B4GALNT2: variants seen among roughly 807,000 people sequenced by gnomAD.
B4GALNT2 encodes the protein beta-1,4-N-acetyl-galactosaminyltransferase 2 (SID blood group), also known as N-acetylneuraminylgalactosylglucosyl-glucoside beta-1,4-N- acetylgalactosaminyltransferase 2.
B4GALNT2 carries 42 observed loss-of-function variants against 51.1 expected under a neutral mutation model. That is an observed-to-expected ratio of 0.82 (90% confidence interval 0.64 to 1.06). The LOEUF is 1.06. Among genes scored for constraint, B4GALNT2 ranks in the 50% least tolerant of loss-of-function variants. B4GALNT2 has a pLI of 0.00. For synonymous variants in B4GALNT2, 253 were observed against 251.7 expected, an observed-to-expected ratio of 1.01 and a Z score of -0.05; for missense variants, 602 against 633.6, an observed-to-expected ratio of 0.95 and a Z score of 0.54.
chr17:49,160,641 G>T lies in B4GALNT2; in HGVS notation c.766G>T (p.Glu256Ter). The change falls in exon 7 of 11, where the codon GAG becomes TAG. Residue 256 changes from glutamate (E) to a stop codon, truncating the protein, a stop_gained and splice_region_variant. Coordinates refer to ENST00000393354, the MANE Select transcript of B4GALNT2 (RefSeq NM_001159387.2). LOFTEE classifies it high-confidence loss of function. ...VIPKLYDPGP[E>*]RKLRNLVTIA... is the part of the protein sequence containing the mutation. ...ACCCAAGCTATACGACCCTGGACCA[G>T]GTAAGGCCCTTGTCCTTGGGGCTCC... 1 of 1,613,774 alleles carries T rather than the reference G, an allele frequency of 6.2e-7. No individual in the cohort carries two copies. Among genetic ancestry groups the T allele is most frequent in the Non-Finnish European group, 8.5e-7 (1 of 1,179,706 alleles).
rs138665173 is a variant in B4GALNT2 at position 49,146,364 on chromosome 17, G to A, written c.353+4192G>A. Among the ~76,000 whole-genome samples, 536 of 151,850 alleles carry A rather than the reference G, an allele frequency of 3.5e-3. 4 individuals carry two copies. The highest frequency in any genetic ancestry group is 0.012 in the African/African-American group (513 of 41,374). On this transcript the variant is annotated intron_variant, in intron 3 of 10. Coordinates refer to ENST00000393354, the MANE Select transcript of B4GALNT2 (RefSeq NM_001159387.2). The stretch of plus-strand genomic sequence containing the variant: ...TTGTTCTTGTTGCCCAGGCTGGAGC[G>A]CAATGGCACGATCTCAGCTAACTGC...
chr17:49,175,795 C>A lies in B4GALNT2; in HGVS notation c.*6067C>A, dbSNP rs898712622. The A allele has an allele frequency of 6.6e-6, 1 of 152,168 alleles. No individual in the cohort carries two copies. The highest frequency in any genetic ancestry group is 2.4e-5 in the African/African-American group (1 of 41,432). The allele number at this position is 152,168 out of a possible 1,614,324, so 9.4% of individuals were successfully genotyped here. A position where few individuals can be genotyped will look rare whatever the true frequency, so the allele number is the denominator to read the frequency against. On this transcript the variant is annotated 3_prime_UTR_variant, in exon 11 of 11. Coordinates refer to ENST00000393354, the MANE Select transcript of B4GALNT2 (RefSeq NM_001159387.2). Reference sequence around the variant, plus strand: ...TCACTCGAGGCACTGCTAGAACAGTCACTGGGGCAACTACTTTTCACCCAG... The same window carrying A: ...TCACTCGAGGCACTGCTAGAACAGTAACTGGGGCAACTACTTTTCACCCAG...
upstream of B4GALNT2, among the ~76,000 whole-genome samples, chr17:49,128,377 A>G (rs1360734602): frequency 6.6e-6 from 1 of 152,092 alleles, no homozygotes; most frequent in East Asian, 1.9e-4. Context: ...GCCAGGGCAG[A>G]GGGTTCAGAT....
intron 7 of B4GALNT2, 124 bp from the exon 8 acceptor site, chr17:49,163,964 C>T (rs926347819): frequency 1.8e-5 from 16 of 894,810 alleles, no homozygotes; most frequent in Non-Finnish European, 2.6e-5. Flanking sequence ...CTCCTGGGTA[C>T]AAGAGGCATG....
In B4GALNT2 at chr17:49,148,169, G is replaced by A. The variant is rs372909573; in HGVS notation, c.354-4631G>A. ...ACAAAAATTAGTCGAGCGTGATGGTGGGCGCCTGTAATCCCAGCTACCCAG... is the reference window on the plus strand; with the variant it reads ...ACAAAAATTAGTCGAGCGTGATGGTAGGCGCCTGTAATCCCAGCTACCCAG... On this transcript the variant is annotated intron_variant, in intron 3 of 10. Transcript: ENST00000393354. Among the ~76,000 whole-genome samples the A allele has an allele frequency of 3.9e-5, 6 of 151,904 alleles. No individual in the cohort carries two copies. In the East Asian group the frequency reaches 9.7e-4, roughly 25 times the overall value.
intron 7 of B4GALNT2, among the ~76,000 whole-genome samples, chr17:49,162,936 G>C (rs941509819): frequency 3.9e-4 from 21 of 53,204 alleles, no homozygotes; most frequent in Non-Finnish European, 7.2e-4. Context: ...AAAAAAAAAA[G>C]GGCAAGAGGG....
chr17:49,146,612 AACAC>A (rs2042697447), intron 3 of B4GALNT2, among the ~76,000 whole-genome samples: 1 of 152,120 alleles, frequency 6.6e-6, no homozygotes, highest in Admixed American at 6.5e-5. Context: ...TGCCTGGCCC[AACAC>A]TGTCTTTTCT....
chr17:49,160,314 C>T (rs2042851207), intron 6 of B4GALNT2, among the ~76,000 whole-genome samples: 1 of 152,158 alleles, frequency 6.6e-6, no homozygotes, highest in Admixed American at 6.5e-5. Flanking sequence ...AAGCCCACTC[C>T]ACCCTAACAC....
chr17:49,164,788 C>T (rs2042896531), intron 8 of B4GALNT2, among the ~76,000 whole-genome samples: 1 of 150,526 alleles, frequency 6.6e-6, no homozygotes, highest in Non-Finnish European at 1.5e-5. Flanking sequence ...GCCATCACAC[C>T]CAGCCTCTCA....
At chr17:49,122,381 A>T in the B4GALNT2 span, among the ~76,000 whole-genome samples, 1 of 152,176 alleles carries the variant, frequency 6.6e-6, no homozygotes, top group Non-Finnish European at 1.5e-5. Flanking sequence ...GAGGACAGAG[A>T]GTTTTCTGGT....
chr17:49,143,521 G>C (rs1213241060), intron 3 of B4GALNT2, among the ~76,000 whole-genome samples: 1 of 152,136 alleles, frequency 6.6e-6, no homozygotes, highest in Non-Finnish European at 1.5e-5. Context: ...ACTGTCCCCA[G>C]GTTACTGCCT....
chr17:49,128,402 T>C (rs1258688313), upstream of B4GALNT2, among the ~76,000 whole-genome samples: 1 of 152,070 alleles, frequency 6.6e-6, no homozygotes, highest in Non-Finnish European at 1.5e-5. Flanking sequence ...GAGGAGCAGA[T>C]GCAGAGGGAT....
chr17:49,127,947 G>GA, upstream of B4GALNT2, among the ~76,000 whole-genome samples: 1 of 152,306 alleles, frequency 6.6e-6, no homozygotes, highest in South Asian at 2.1e-4. Flanking sequence ...TTGATTGGGA[G>GA]AAAACCTTTC....
At chr17:49,125,641 C>A in the B4GALNT2 span, among the ~76,000 whole-genome samples, 2 of 148,666 alleles carry the variant, frequency 1.3e-5, no homozygotes, top group African/African-American at 2.5e-5. Context: ...TGCCCGGCCG[C>A]GGCCCCGTCT....
chr17:49,126,698 C>A, the B4GALNT2 span, among the ~76,000 whole-genome samples: 3 of 135,450 alleles, frequency 2.2e-5, no homozygotes, highest in South Asian at 6.9e-4. Flanking sequence ...TCACCCCAGG[C>A]TGGAGTACGT....
intron 6 of B4GALNT2, among the ~76,000 whole-genome samples, chr17:49,160,211 A>G (rs1392941774): frequency 6.6e-6 from 1 of 152,204 alleles, no homozygotes; most frequent in Non-Finnish European, 1.5e-5. Context: ...GTGAGATAAA[A>G]TAGGGTGGGT....
intron 5 of B4GALNT2, among the ~76,000 whole-genome samples, chr17:49,158,245 C>A (rs1045243041): frequency 1.3e-5 from 2 of 152,100 alleles, no homozygotes; most frequent in Non-Finnish European, 2.9e-5. Flanking sequence ...ATCAGTAGTT[C>A]CATTTTGAAG....
chr17:49,140,275 T>C lies in B4GALNT2; in HGVS notation c.15-972T>C, dbSNP rs563002675. ...GCCACAACACCCGACTAATTTTTTG[T>C]ATTTTTAGTAGAGATGGGGTTTCAC... On this transcript the variant is annotated intron_variant, in intron 1 of 10. Coordinates refer to ENST00000393354, the MANE Select transcript of B4GALNT2 (RefSeq NM_001159387.2). Among the ~76,000 whole-genome samples the C allele has an allele frequency of 2.7e-3, 413 of 152,102 alleles. 7 individuals carry two copies. The highest frequency in any genetic ancestry group is 9.1e-3 in the African/African-American group (379 of 41,506).
At chr17:49,141,920 G>A in intron 2 of B4GALNT2, 115 bp from the exon 3 acceptor site, 1 of 1,339,114 alleles carries the variant, frequency 7.5e-7, no homozygotes, top group Admixed American at 1.8e-5. Flanking sequence ...AGAACAGTTG[G>A]GTGTAGGAAA....
Sources: allele counts gnomAD v4.1 joint callset (sites outside exome capture counted in the v4.1 genomes callset), GRCh38; gene constraint gnomAD v4.1.1; transcripts MANE v1.5; gene names NCBI Gene and HGNC (gene_info 2026-07-23, HGNC 2026-07-21).